Variants in GPR137B observed in about 807,000 individuals in gnomAD.
GPR137B encodes the protein G protein-coupled receptor 137B.
GPR137B carries 42 observed loss-of-function variants against 42.5 expected under a neutral mutation model. The ratio of observed to expected loss-of-function variants is 0.99; its 90% CI spans 0.77 to 1.28. The LOEUF (loss-of-function observed/expected upper bound fraction) is 1.28. GPR137B is among the 50% of genes most tolerant of loss of function. The pLI, the probability that GPR137B is intolerant of heterozygous loss-of-function variation, is 0.00. For missense variants in GPR137B, 487 were observed against 493.9 expected, an observed-to-expected ratio of 0.99 and a Z score of 0.13; for synonymous variants, 218 against 209.7, an observed-to-expected ratio of 1.04 and a Z score of -0.34.
At chr1:236,152,417 G>A (rs1415095843) in intron 1 of GPR137B, among the ~76,000 whole-genome samples, 5 of 151,858 alleles carry the variant, frequency 3.3e-5, no homozygotes, top group East Asian at 1.9e-4. Context: ...AGCTGAGATC[G>A]CACCACTGCA....
Position 236,179,876 on chromosome 1 carries a change from C to A in GPR137B, c.688-3C>A, listed in dbSNP as rs777783242. 3 of 1,568,316 alleles carry A rather than the reference C, an allele frequency of 1.9e-6. No homozygotes were observed. The highest frequency in any genetic ancestry group is 1.7e-4 in the Middle Eastern group (1 of 5,772). On this transcript the variant is annotated splice_polypyrimidine_tract_variant and splice_region_variant and intron_variant, in intron 3 of 6. Coordinates refer to ENST00000366592, the MANE Select transcript of GPR137B (RefSeq NM_003272.4). ...CCCATACCTTCTGCTCCCTCTTTTC[C>A]AGGGCTCCTCCGTGTGTCAAGTGAC... is the stretch of plus-strand genomic sequence containing the variant.
At chr1:236,173,433 GGGAAGGAGGAAGAAA>G (rs987340879) in intron 2 of GPR137B, among the ~76,000 whole-genome samples, 1 of 151,436 alleles carries the variant, frequency 6.6e-6, no homozygotes, top group Non-Finnish European at 1.5e-5. Flanking sequence ...GAGGGAGGGA[GGGAAGGAGGAAGAAA>G]GGAAGGAAGG....
rs771081038 is a variant in GPR137B, at chr1:236,179,888, G to A, written c.697G>A (p.Val233Met). The A allele has an allele frequency of 1.0e-4, 161 of 1,584,088 alleles. 1 individual carries two copies. In the Middle Eastern group the frequency reaches 9.2e-3, roughly 90 times the overall value. Residue 233 changes from valine to methionine, a missense_variant, in exon 4 of 7, where the codon GTG (valine) becomes ATG (methionine). Physicochemically the swap from Val to Met is conservative, Grantham distance 21 (BLOSUM62 1). Coordinates refer to ENST00000366592, the MANE Select transcript of GPR137B (RefSeq NM_003272.4). ...GCTCCCTCTTTTCCAGGGCTCCTCC[G>A]TGTGTCAAGTGACTGCCATCGGTGT... ...NIYLESKGSSVCQVTAIGVTV... is the reference protein window; with the variant it reads ...NIYLESKGSSMCQVTAIGVTV...
Position 236,178,568 on chromosome 1 carries a change from G to GTC in GPR137B, c.628_629dup (p.Ile211ProfsTer12). ...TGACACGCTCTTCGTGCTGTGTGCC[G>GTC]TCTCTCTCTCCATCTGTCTCTACAA... On this transcript the variant is annotated frameshift_variant, in exon 3 of 7. Transcript: ENST00000366592. LOFTEE classifies it high-confidence loss of function. 1.2e-6 allele frequency: 2 copies of GTC among 1,612,904 alleles called. No homozygotes were observed. The highest frequency in any genetic ancestry group is 1.1e-5 in the South Asian group (1 of 91,026).
intron 2 of GPR137B, among the ~76,000 whole-genome samples, chr1:236,177,312 C>G (rs981738225): frequency 6.6e-4 from 100 of 152,200 alleles, no homozygotes; most frequent in African/African-American, 2.4e-3. Context: ...CTCTCTGTCT[C>G]TTTTTCTCTG....
intron 5 of GPR137B, among the ~76,000 whole-genome samples, chr1:236,203,944 TAGGACTTCCA>T (rs1399908561): frequency 2.0e-5 from 3 of 152,232 alleles, no homozygotes; most frequent in Non-Finnish European, 4.4e-5. Flanking sequence ...TTGCTCTAGC[TAGGACTTCCA>T]GTACTATGTT....
intron 1 of GPR137B, among the ~76,000 whole-genome samples, chr1:236,147,705 A>G (rs1661718465): frequency 6.6e-6 from 1 of 151,896 alleles, no homozygotes; most frequent in Non-Finnish European, 1.5e-5. Flanking sequence ...CTCCACCTGC[A>G]AACAGTCCCA....
At chr1:236,172,072 C>T (rs1234563170) in intron 2 of GPR137B, among the ~76,000 whole-genome samples, 2 of 151,274 alleles carry the variant, frequency 1.3e-5, no homozygotes, top group African/African-American at 2.4e-5. Flanking sequence ...GATGTTTAGG[C>T]CAGTGAAGTT....
chr1:236,176,630 G>A (rs1662694176), intron 2 of GPR137B, among the ~76,000 whole-genome samples: 1 of 152,124 alleles, frequency 6.6e-6, no homozygotes, highest in Non-Finnish European at 1.5e-5. Flanking sequence ...CCCTGTGACG[G>A]GTCGTTTTCC....
chr1:236,143,905 CCGTCATCAT>C (rs1177440210), intron 1 of GPR137B, among the ~76,000 whole-genome samples: 1 of 152,156 alleles, frequency 6.6e-6, no homozygotes, highest in African/African-American at 2.4e-5. Context: ...CGCGGTGCCG[CCGTCATCAT>C]CGTCATCATC....
chr1:236,178,312 C>T (rs1386698390), intron 2 of GPR137B, 102 bp from the exon 3 acceptor site: 1 of 718,140 alleles, frequency 1.4e-6, no homozygotes, highest in Non-Finnish European at 2.5e-6. Flanking sequence ...TTAAATGTCA[C>T]CTTTGGTGTG....
intron 5 of GPR137B, among the ~76,000 whole-genome samples, chr1:236,197,972 C>T (rs920536888): frequency 2.6e-5 from 4 of 152,000 alleles, no homozygotes; most frequent in Non-Finnish European, 5.9e-5. Flanking sequence ...CCACCCGCCT[C>T]GGCCTCCCAA....
At chr1:236,144,757 A>G (rs918001074) in intron 1 of GPR137B, among the ~76,000 whole-genome samples, 76 of 152,360 alleles carry the variant, frequency 5.0e-4, no homozygotes, top group African/African-American at 1.4e-3. Flanking sequence ...AGGTGAGGTG[A>G]TGTTACCCTA....
intron 5 of GPR137B, among the ~76,000 whole-genome samples, chr1:236,197,306 T>C (rs1376401886): frequency 6.6e-6 from 1 of 152,218 alleles, no homozygotes; most frequent in Non-Finnish European, 1.5e-5. Context: ...GGATGCATAG[T>C]CTGTGAATAT....
intron 5 of GPR137B, among the ~76,000 whole-genome samples, chr1:236,203,094 TTG>T (rs1663543797): frequency 6.6e-6 from 1 of 152,154 alleles, no homozygotes; most frequent in Non-Finnish European, 1.5e-5. Flanking sequence ...CTTTTTTGTT[TTG>T]AGACAGAGTC....
intron 5 of GPR137B, among the ~76,000 whole-genome samples, chr1:236,195,829 G>A (rs569344581): frequency 5.9e-5 from 9 of 152,258 alleles, no homozygotes; most frequent in Non-Finnish European, 1.2e-4. Flanking sequence ...CTGTAGTTTT[G>A]ATTTGCATTT....
At chr1:236,180,258 C>A in intron 4 of GPR137B, 1 of 431,804 alleles carries the variant, frequency 2.3e-6, no homozygotes, top group Non-Finnish European at 4.2e-6. Flanking sequence ...AGTTGTTATA[C>A]TACATTGTTT....
At chr1:236,144,519 A>G (rs1661629225) in intron 1 of GPR137B, among the ~76,000 whole-genome samples, 2 of 152,276 alleles carry the variant, frequency 1.3e-5, no homozygotes, top group African/African-American at 2.4e-5. Context: ...TGGCTAAAAA[A>G]TAGCATATGT....
rs139031083 is a variant in GPR137B at position 236,146,589 on chromosome 1, G to T, written c.414+3553G>T. 3.3e-3 allele frequency among the ~76,000 whole-genome samples: 496 copies of T among 152,290 alleles called. 6 individuals carry two copies. Among genetic ancestry groups the T allele is most frequent in the Admixed American group, 0.024 (361 of 15,282 alleles). On this transcript the variant is annotated intron_variant, in intron 1 of 6. Coordinates refer to ENST00000366592, the MANE Select transcript of GPR137B (RefSeq NM_003272.4). ...TACCCCCCAACTGAGGCTCGGAGGG[G>T]TGAGAACACTTGCCCACACTGCCCC...
Sources: allele counts gnomAD v4.1 joint callset (sites outside exome capture counted in the v4.1 genomes callset), GRCh38; gene constraint gnomAD v4.1.1; transcripts MANE v1.5; gene names NCBI Gene and HGNC (gene_info 2026-07-23, HGNC 2026-07-21).